Variants in CEP250 observed in about 807,000 individuals in gnomAD.
The protein encoded by CEP250 is centrosomal protein 250, also known as centrosome-associated protein CEP250.
CEP250 carries 242 observed loss-of-function variants against 315.7 expected under a neutral mutation model. That is an observed-to-expected ratio of 0.77 (90% CI 0.69 to 0.85). The LOEUF is 0.85. CEP250 is among the 40% of genes least tolerant of loss of function. The probability of loss-of-function intolerance (pLI) is 0.00; values close to 1 mark genes in which losing one functional copy is unlikely to be tolerated. For missense variants in CEP250, 2,515 were observed against 2,886.4 expected, an observed-to-expected ratio of 0.87 and a Z score of 2.95; for synonymous variants, 1,088 against 1,175.0, an observed-to-expected ratio of 0.93 and a Z score of 1.51.
chr20:35,467,944 T>C (rs953286979), intron 9 of CEP250, among the ~76,000 whole-genome samples: 1 of 65,630 alleles, frequency 1.5e-5, no homozygotes. Context: ...ATATTACCTC[T>C]TTTTTTTTTT....
At chr20:35,497,338 A>C (rs1250897295) in intron 25 of CEP250, among the ~76,000 whole-genome samples, 1 of 152,232 alleles carries the variant, frequency 6.6e-6, no homozygotes, top group African/African-American at 2.4e-5. Context: ...CATTATAGGA[A>C]TATATAAAGT....
Position 35,467,551 on chromosome 20 carries a change from G to A in CEP250, c.847G>A (p.Asp283Asn), listed in dbSNP as rs1390111361. ...GGATCTGGAGAAGGCTGAACTTCAG[G>A]ACCGGTGAGATGGCCTGGGGTCCCA... ...QGDLEKAELQ[D>N]RVTELSALLT... The change falls in exon 9 of 35, where the codon GAC (aspartate) becomes AAC (asparagine). Residue 283 changes from aspartate to asparagine, a missense_variant. Physicochemically the swap from Asp to Asn is conservative, Grantham distance 23. Coordinates refer to ENST00000397527, the MANE Select transcript of CEP250 (RefSeq NM_007186.6). The A allele has an allele frequency of 6.2e-7, 1 of 1,613,146 alleles. No individual in the cohort carries two copies. Among genetic ancestry groups the A allele is most frequent in the Non-Finnish European group, 8.5e-7 (1 of 1,179,666 alleles).
At position 35,502,641 on chromosome 20, in the gene CEP250, C is replaced by T; in HGVS notation, c.4272C>T (p.Ala1424=). ...GGAAGGCTCTGCAAGAGAATTTGGCCCTCCTGACCCAGACCCTAGCTGAAA... is the reference window on the plus strand; with the variant it reads ...GGAAGGCTCTGCAAGAGAATTTGGCTCTCCTGACCCAGACCCTAGCTGAAA... ...AQGKALQENL[A]LLTQTLAERE... The change falls in exon 30 of 35, where the codon GCC becomes GCT. Residue 1424 remains alanine (A), a synonymous_variant. Coordinates refer to ENST00000397527, the MANE Select transcript of CEP250 (RefSeq NM_007186.6). 1.2e-6 allele frequency: 2 copies of T among 1,614,214 alleles called. No individual in the cohort carries two copies. Among genetic ancestry groups the T allele is most frequent in the Non-Finnish European group, 1.7e-6 (2 of 1,180,040 alleles).
intron 22 of CEP250, among the ~76,000 whole-genome samples, chr20:35,492,475 A>G (rs2063724242): frequency 6.6e-6 from 1 of 152,156 alleles, no homozygotes; most frequent in African/African-American, 2.4e-5. Flanking sequence ...TGTATGGTAT[A>G]TGAGTTATAT....
chr20:35,504,067 G>A lies in CEP250; in HGVS notation c.5698G>A (p.Glu1900Lys). 10 of 1,607,522 alleles carry A rather than the reference G, an allele frequency of 6.2e-6. No individual in the cohort carries two copies. Among genetic ancestry groups the A allele is most frequent in the Non-Finnish European group, 8.5e-6 (10 of 1,176,070 alleles). ...CCTAAGGGCTGAGTCTCGGGAACAGGAGAAAGCTCTGTTGGCCCTCCAGCA... is the reference window on the plus strand; with the variant it reads ...CCTAAGGGCTGAGTCTCGGGAACAGAAGAAAGCTCTGTTGGCCCTCCAGCA... The part of the protein sequence containing the change: ...GDLRAESREQ[E>K]KALLALQQQC... Residue 1900 changes from glutamate to lysine, a missense_variant, in exon 30 of 35, where the codon GAG becomes AAG. Transcript: ENST00000397527.
At chr20:35,456,728 T>C (rs1048101452) in intron 1 of CEP250, among the ~76,000 whole-genome samples, 1 of 152,072 alleles carries the variant, frequency 6.6e-6, no homozygotes, top group Non-Finnish European at 1.5e-5. Flanking sequence ...TGGAATCAGA[T>C]TGGGGTTCAG....
rs2064449951 is a variant in CEP250 at position 35,517,940 on chromosome 20, G to A, written c.*6314G>A. On this transcript the variant is annotated 3_prime_UTR_variant, in exon 35 of 35. Coordinates refer to ENST00000397527, the MANE Select transcript of CEP250 (RefSeq NM_007186.6). ...TGCCTGTAGTCCCAGCTACTCGGGA[G>A]GCTGAGGTGGGAGGATCACCTGAGC... 1 of 151,512 alleles carries A rather than the reference G, an allele frequency of 6.6e-6. No individual in the cohort carries two copies. Among genetic ancestry groups the A allele is most frequent in the Non-Finnish European group, 1.5e-5 (1 of 67,906 alleles). 9.4% of individuals were successfully genotyped at this position (151,512 alleles called of 1,614,324 possible).
At position 35,511,385 on chromosome 20, in the gene CEP250, T is replaced by C; in HGVS notation, c.7088T>C (p.Leu2363Pro). 6.2e-7 allele frequency: 1 copy of C among 1,610,148 alleles called. No individual in the cohort carries two copies. Among genetic ancestry groups the C allele is most frequent in the Middle Eastern group, 1.7e-4 (1 of 6,042 alleles). Residue 2363 changes from leucine (L) to proline (P), a missense_variant, in exon 35 of 35, where the codon CTG becomes CCG. Coordinates refer to ENST00000397527, the MANE Select transcript of CEP250 (RefSeq NM_007186.6). ...CAGGTGGTCCTGCTGCAAGCTCAGCTGACTTTGGAGCGGAAGCAGAAGCAG... is the reference window on the plus strand; with the variant it reads ...CAGGTGGTCCTGCTGCAAGCTCAGCCGACTTTGGAGCGGAAGCAGAAGCAG... ...QKEVVLLQAQ[L>P]TLERKQKQDY...
intron 15 of CEP250, 126 bp from the exon 16 acceptor site, chr20:35,476,323 T>A: frequency 1.2e-6 from 1 of 816,706 alleles, no homozygotes. Context: ...TTGTTTAGAA[T>A]GCAGGAGAGG....
intron 23 of CEP250, 47 bp from the exon 24 acceptor site, chr20:35,494,477 C>T (rs201176901): frequency 3.5e-5 from 56 of 1,609,088 alleles, no homozygotes; most frequent in Admixed American, 2.9e-4. Context: ...ATCTTCCCAC[C>T]GGCCCCCTGC....
chr20:35,462,576 G>A (rs1338711022), intron 4 of CEP250, 23 bp downstream of exon 4: 1 of 1,564,186 alleles, frequency 6.4e-7, no homozygotes, highest in African/African-American at 1.4e-5. Context: ...CCCTTTTGGG[G>A]AGGGGAAAGA....
In CEP250 at chr20:35,502,305, A is replaced by C. The variant is rs77770117; in HGVS notation, c.4021-85A>C. ...CCAAGTCCTTATCACTGCTAGTGCC[A>C]CAAAATAAGAAAGAGAAGGGTCGGT... On this transcript the variant is annotated intron_variant, in intron 29 of 34. Coordinates refer to ENST00000397527, the MANE Select transcript of CEP250 (RefSeq NM_007186.6). 2.0e-3 allele frequency: 2,477 copies of C among 1,242,156 alleles called. 39 individuals carry two copies. The African/African-American group carries it at 0.033, about 17-fold the overall frequency. 76.9% of individuals were successfully genotyped at this position (1,242,156 alleles called of 1,614,324 possible).
chr20:35,459,165 A>G (rs1029867006), intron 2 of CEP250, among the ~76,000 whole-genome samples: 2 of 151,618 alleles, frequency 1.3e-5, no homozygotes, highest in Admixed American at 1.3e-4. Flanking sequence ...TGGGGCATAT[A>G]AAAATATAAA....
chr20:35,473,669 C>T, intron 13 of CEP250, 117 bp downstream of exon 13: 1 of 1,163,318 alleles, frequency 8.6e-7, no homozygotes, highest in Non-Finnish European at 1.2e-6. Context: ...CTCCTTGAGA[C>T]TCAGGGCTGT....
intron 4 of CEP250, among the ~76,000 whole-genome samples, chr20:35,463,238 A>G (rs2062797869): frequency 6.6e-6 from 1 of 152,140 alleles, no homozygotes; most frequent in Non-Finnish European, 1.5e-5. Context: ...CCCTGTCTCT[A>G]CTAAAAATAC....
At chr20:35,471,383 G>A (rs1459093862) in intron 10 of CEP250, among the ~76,000 whole-genome samples, 1 of 152,136 alleles carries the variant, frequency 6.6e-6, no homozygotes, top group Non-Finnish European at 1.5e-5. Flanking sequence ...GGCTGGGTGT[G>A]GCCCATTTGT....
Position 35,502,546 on chromosome 20 carries a change from G to A in CEP250, c.4177G>A (p.Glu1393Lys), listed in dbSNP as rs1289617759. 5 of 1,614,080 alleles carry A rather than the reference G, an allele frequency of 3.1e-6. No homozygotes were observed. The highest frequency in any genetic ancestry group is 2.5e-6 in the Non-Finnish European group (3 of 1,180,044). Residue 1393 changes from glutamate to lysine, a missense_variant, in exon 30 of 35, where the codon GAG becomes AAG. Coordinates refer to ENST00000397527, the MANE Select transcript of CEP250 (RefSeq NM_007186.6). ...TARSALKLKN[E>K]EVESERERAQ... ...TCGCTCAGCACTGAAGCTGAAAAAT[G>A]AGGAAGTAGAGAGTGAGCGTGAGAG...
In CEP250 at chr20:35,502,891, G is replaced by C. The variant is rs1270550943; in HGVS notation, c.4522G>C (p.Glu1508Gln). Residue 1508 changes from glutamate to glutamine, a missense_variant, in exon 30 of 35, where the codon GAG (glutamate) becomes CAG (glutamine). By Grantham distance (29) the Glu-to-Gln change is conservative. Transcript: ENST00000397527. The stretch of plus-strand genomic sequence containing the variant: ...AGAGCAGAAGCTGACTGTGCAGAGG[G>C]AGCAGATCAGAGAGCTCGAGAAGGA... ...EREQKLTVQREQIRELEKDRE... is the reference protein window; with the variant it reads ...EREQKLTVQRQQIRELEKDRE... 1 of 1,614,230 alleles carries C rather than the reference G, an allele frequency of 6.2e-7. No homozygotes were observed. The highest frequency in any genetic ancestry group is 1.7e-5 in the Admixed American group (1 of 60,028).
At chr20:35,501,665 T>C (rs770013496) in intron 28 of CEP250, among the ~76,000 whole-genome samples, 180 bp from the exon 29 acceptor site, 1 of 152,190 alleles carries the variant, frequency 6.6e-6, no homozygotes, top group African/African-American at 2.4e-5. Context: ...TAGAAGCAGC[T>C]GGCATCTGCC....
Sources: allele counts gnomAD v4.1 joint callset (sites outside exome capture counted in the v4.1 genomes callset), GRCh38; gene constraint gnomAD v4.1.1; transcripts MANE v1.5; gene names NCBI Gene and HGNC (gene_info 2026-07-23, HGNC 2026-07-21).